FREM1: variants seen among roughly 807,000 people sequenced by gnomAD.
FREM1 encodes FRAS1 related extracellular matrix 1.
FREM1 carries 220 observed loss-of-function variants against 210.1 expected under a neutral mutation model. The ratio of observed to expected loss-of-function variants is 1.05; its 90% CI spans 0.94 to 1.17. The LOEUF (loss-of-function observed/expected upper bound fraction) is 1.17, where lower values mean the gene tolerates loss of function less well. Ranked by LOEUF, FREM1 falls within the 50% of genes most tolerant of loss-of-function variation. FREM1 has a pLI of 0.00. For missense variants in FREM1, 3,454 were observed against 2,675.5 expected, an observed-to-expected ratio of 1.29 and a Z score of -6.42; for synonymous variants, 1,189 against 980.2, an observed-to-expected ratio of 1.21 and a Z score of -3.98.
At position 14,747,709 on chromosome 9, in the gene FREM1, T is replaced by C. The variant is rs548335559; in HGVS notation, c.5816A>G (p.Tyr1939Cys). Residue 1939 changes from tyrosine (Y) to cysteine (C), a missense_variant, in exon 32 of 37, where the codon TAT (tyrosine) becomes TGT (cysteine). Coordinates refer to ENST00000380880, the MANE Select transcript of FREM1 (RefSeq NM_001379081.2). ...NGKTVRPSSV[Y>C]RNGTDIIYNY... ...ATAGATGATGTCTGTTCCATTTCTA[T>C]AAACAGAGGATGGACGAACCTGAAA... The C allele has an allele frequency of 4.5e-6, 7 of 1,543,208 alleles. No homozygotes were observed. The East Asian group carries it at 1.2e-4, about 27-fold the overall frequency.
chr9:14,887,144 G>A (rs1344540992), intron 1 of FREM1, among the ~76,000 whole-genome samples: 3 of 152,276 alleles, frequency 2.0e-5, no homozygotes, highest in African/African-American at 7.2e-5. Context: ...TGTCCTCAGG[G>A]AACAACCAGC....
chr9:14,783,179 A>C (rs900391543), intron 24 of FREM1, among the ~76,000 whole-genome samples: 4 of 152,252 alleles, frequency 2.6e-5, no homozygotes, highest in African/African-American at 9.6e-5. Flanking sequence ...TATCCAAATC[A>C]GCTTTCAAAA....
chr9:14,796,458 G>A (rs1852416608), intron 21 of FREM1, among the ~76,000 whole-genome samples: 1 of 152,132 alleles, frequency 6.6e-6, no homozygotes, highest in Admixed American at 6.5e-5. Context: ...AATGGCTGGG[G>A]CTATAGAAAT....
chr9:14,788,288 A>C (rs1850720457), intron 23 of FREM1, among the ~76,000 whole-genome samples: 1 of 152,132 alleles, frequency 6.6e-6, no homozygotes, highest in Non-Finnish European at 1.5e-5. Context: ...TGAGCTTTTT[A>C]AACAAACTCT....
chr9:14,804,812 C>A, intron 19 of FREM1, 144 bp downstream of exon 19: 1 of 569,514 alleles, frequency 1.8e-6, no homozygotes, highest in East Asian at 2.9e-5. Flanking sequence ...TAATAATTTT[C>A]AAATGATTGC....
At chr9:14,816,924 T>G (rs1436231615) in intron 14 of FREM1, 53 bp from the exon 15 acceptor site, 1 of 592,494 alleles carries the variant, frequency 1.7e-6, no homozygotes, top group African/African-American at 1.9e-5. Flanking sequence ...GAGAGTAAAT[T>G]GAGATGCATG....
At chr9:14,865,352 T>C (rs1831310936) in intron 2 of FREM1, among the ~76,000 whole-genome samples, 2 of 152,202 alleles carry the variant, frequency 1.3e-5, no homozygotes, top group Non-Finnish European at 2.9e-5. Context: ...GAAAACATAT[T>C]GCCATCAACC....
rs367817746 is a variant in FREM1, at chr9:14,860,562, TATATATACAC to T, written c.330-1088_330-1079del. Reference sequence around the variant, plus strand: ...ATATATACACATATATATACACACATATATATACACATATATATACACATATATATACATA... The same window carrying T: ...ATATATACACATATATATACACACATATATATATACACATATATATACATA... On this transcript the variant is annotated intron_variant, in intron 3 of 36. Transcript: ENST00000380880. 8.5e-3 allele frequency among the ~76,000 whole-genome samples: 1,108 copies of T among 130,396 alleles called. 48 individuals are homozygous for T. The highest frequency in any genetic ancestry group is 0.015 in the African/African-American group (506 of 32,696). 85.5% of individuals were successfully genotyped at this position (130,396 alleles called of 152,430 possible).
intron 1 of FREM1, among the ~76,000 whole-genome samples, chr9:14,902,018 T>G (rs1838875751): frequency 6.6e-6 from 1 of 151,948 alleles, no homozygotes; most frequent in Non-Finnish European, 1.5e-5. Context: ...CCTGGTTTTT[T>G]TTTTTTTTTA....
At chr9:14,745,895 C>T (rs183107222) in intron 35 of FREM1, among the ~76,000 whole-genome samples, 6 of 152,256 alleles carry the variant, frequency 3.9e-5, no homozygotes, top group African/African-American at 1.2e-4. Context: ...GCTGTATAAT[C>T]GCATTGCTAG....
chr9:14,790,533 G>A (rs1049466402), intron 22 of FREM1: 1 of 152,106 alleles, frequency 6.6e-6, no homozygotes, highest in Non-Finnish European at 1.5e-5. Context: ...AAGGAAGTAA[G>A]CACAGAAGAA....
chr9:14,876,338 G>C (rs4008119), intron 1 of FREM1, among the ~76,000 whole-genome samples: 2 of 151,496 alleles, frequency 1.3e-5, no homozygotes, highest in Non-Finnish European at 2.9e-5. Flanking sequence ...CACGCAGTTC[G>C]AGCTTCCTGG....
intron 1 of FREM1, among the ~76,000 whole-genome samples, chr9:14,900,357 G>A (rs1037475067): frequency 2.0e-5 from 3 of 152,210 alleles, no homozygotes; most frequent in Non-Finnish European, 4.4e-5. Context: ...ATTAATAACT[G>A]CATTTTATCT....
intron 3 of FREM1, among the ~76,000 whole-genome samples, chr9:14,860,652 T>TGCACATGTATACATATATAC (rs1564099897): frequency 8.5e-5 from 12 of 141,534 alleles, no homozygotes; most frequent in African/African-American, 3.2e-4. Flanking sequence ...TATACATATA[T>TGCACATGTATACATATATAC]ACACATATAT....
In FREM1 at chr9:14,746,357, C is replaced by T; in HGVS notation, c.6250G>A (p.Glu2084Lys). 2.5e-6 allele frequency: 4 copies of T among 1,611,472 alleles called. No individual in the cohort carries two copies. The highest frequency in any genetic ancestry group is 3.4e-6 in the Non-Finnish European group (4 of 1,177,734). Residue 2084 changes from glutamate to lysine, a missense_variant, in exon 35 of 37, where the codon GAA becomes AAA. By Grantham distance (56) the Glu-to-Lys change is moderately conservative. Coordinates refer to ENST00000380880, the MANE Select transcript of FREM1 (RefSeq NM_001379081.2). ...TWNAAAQACR[E>K]QYLGNLVTVF... ...ATGTGCAATAGGGTGCCTTACTGTT[C>T]CCTGCAAGCTTGGGCAGCCGCATTC...
At chr9:14,747,554 C>A (rs1842692628) in intron 32 of FREM1, 126 bp from the exon 33 acceptor site, 1 of 1,076,922 alleles carries the variant, frequency 9.3e-7, no homozygotes, top group Non-Finnish European at 1.3e-6. Context: ...TCTGAACACC[C>A]AAGCCTCTAA....
intron 29 of FREM1, among the ~76,000 whole-genome samples, chr9:14,754,973 T>C (rs1482124522): frequency 1.3e-5 from 2 of 151,960 alleles, no homozygotes; most frequent in African/African-American, 4.8e-5. Flanking sequence ...AACACAGACA[T>C]GCACACAAGG....
intron 24 of FREM1, among the ~76,000 whole-genome samples, chr9:14,776,591 A>G (rs1563901476): frequency 6.6e-6 from 1 of 152,188 alleles, no homozygotes; most frequent in Admixed American, 6.5e-5. Context: ...ATAATTTTTC[A>G]ATTGTTTTTT....
chr9:14,806,253 C>CTTTT (rs35603165), intron 18 of FREM1, among the ~76,000 whole-genome samples: 6 of 129,782 alleles, frequency 4.6e-5, no homozygotes, highest in African/African-American at 9.1e-5. Context: ...GTGCTTTAAA[C>CTTTT]TTTTTTTTTT....
Sources: gnomAD v4.1 joint callset for allele counts (sites outside exome capture counted in the v4.1 genomes callset) on GRCh38, gnomAD v4.1.1 for gene constraint, MANE v1.5 for transcripts, NCBI Gene and HGNC (gene_info 2026-07-23, HGNC 2026-07-21) for gene names.